The following ADCY2 variants were observed in gnomAD, a reference collection of about 807,000 sequenced individuals.
The protein encoded by ADCY2 is adenylate cyclase 2.
Under a neutral mutation model 125.2 loss-of-function variants are expected in ADCY2, and 31 were observed. That is an observed-to-expected ratio of 0.25 (90% CI 0.19 to 0.33). The LOEUF (loss-of-function observed/expected upper bound fraction) is 0.33. ADCY2 is among the 10% of genes least tolerant of loss of function. The pLI is 1.00. For missense variants in ADCY2, 904 were observed against 1,418.2 expected, an observed-to-expected ratio of 0.64 and a Z score of 5.82; for synonymous variants, 512 against 548.4, an observed-to-expected ratio of 0.93 and a Z score of 0.93.
chr5:7,606,721 A>C (rs1266528157), intron 3 of ADCY2, among the ~76,000 whole-genome samples: 2 of 152,166 alleles, frequency 1.3e-5, no homozygotes, highest in African/African-American at 4.8e-5. Context: ...ACTAGTTCTC[A>C]CTTGATGCTT....
At chr5:7,675,890 T>C (rs1337620264) in intron 4 of ADCY2, among the ~76,000 whole-genome samples, 5 of 152,218 alleles carry the variant, frequency 3.3e-5, no homozygotes, top group Non-Finnish European at 5.9e-5. Flanking sequence ...GTTGGTATTA[T>C]GTTGATGATA....
intron 2 of ADCY2, among the ~76,000 whole-genome samples, chr5:7,418,274 G>A (rs1329126987): frequency 2.0e-5 from 3 of 152,142 alleles, no homozygotes; most frequent in Admixed American, 6.5e-5. Flanking sequence ...GCCCTGGATC[G>A]TGAGTGTATA....
chr5:7,725,217 A>G (rs1741895664), intron 13 of ADCY2, among the ~76,000 whole-genome samples: 1 of 152,200 alleles, frequency 6.6e-6, no homozygotes, highest in Non-Finnish European at 1.5e-5. Flanking sequence ...CCATTCTTCT[A>G]GCTCAACTTT....
At position 7,816,998 on chromosome 5, in the gene ADCY2, G is replaced by A. The variant is rs747141971; in HGVS notation, c.2998+18G>A. On this transcript the variant is annotated intron_variant, in intron 23 of 24. Coordinates refer to ENST00000338316, the MANE Select transcript of ADCY2 (RefSeq NM_020546.3). Reference sequence around the variant, plus strand: ...GCGAGTGGGTACGTTCTGCAAAAGAGGTCTCGGTTTCAGTTGTGGCAAAGA... The same window carrying A: ...GCGAGTGGGTACGTTCTGCAAAAGAAGTCTCGGTTTCAGTTGTGGCAAAGA... The A allele has an allele frequency of 1.3e-6, 2 of 1,595,174 alleles. No homozygotes were observed. Among genetic ancestry groups the A allele is most frequent in the South Asian group, 2.2e-5 (2 of 90,598 alleles).
chr5:7,556,744 T>A (rs1735518278), intron 3 of ADCY2, among the ~76,000 whole-genome samples: 1 of 152,098 alleles, frequency 6.6e-6, no homozygotes. Flanking sequence ...AGCAGCAGCA[T>A]GAAATTCTCA....
rs1311220875 is a variant in ADCY2 at position 7,541,467 on chromosome 5, T to C, written c.570+20568T>C. On this transcript the variant is annotated intron_variant, in intron 3 of 24. Transcript: ENST00000338316. ...TGTCAGAGGTAGAGGGTGTCTGTCT[T>C]TGAGCAACATTCTTGATGAGATCAC... is the stretch of plus-strand genomic sequence containing the variant. 2.0e-5 allele frequency among the ~76,000 whole-genome samples: 3 copies of C among 152,168 alleles called. No homozygotes were observed. In the East Asian group the frequency reaches 5.8e-4, roughly 29 times the overall value.
intron 3 of ADCY2, among the ~76,000 whole-genome samples, chr5:7,598,028 A>C (rs1055973123): frequency 3.9e-5 from 6 of 152,182 alleles, no homozygotes; most frequent in Admixed American, 2.0e-4. Context: ...TAGATCAAAC[A>C]CTACATAGAA....
At chr5:7,456,923 T>C (rs1741694140) in intron 2 of ADCY2, among the ~76,000 whole-genome samples, 1 of 152,234 alleles carries the variant, frequency 6.6e-6, no homozygotes, top group South Asian at 2.1e-4. Context: ...CTCATTCCGC[T>C]TGTTTGTAGA....
chr5:7,458,297 T>C (rs1741782945), intron 2 of ADCY2, among the ~76,000 whole-genome samples: 1 of 152,236 alleles, frequency 6.6e-6, no homozygotes, highest in African/African-American at 2.4e-5. Context: ...TTTGAATAGT[T>C]CATGTTATAC....
chr5:7,532,037 A>C (rs1734666150), intron 3 of ADCY2, among the ~76,000 whole-genome samples: 1 of 152,224 alleles, frequency 6.6e-6, no homozygotes, highest in Admixed American at 6.5e-5. Context: ...AGTGTACAAC[A>C]TATGAAGATA....
intron 3 of ADCY2, among the ~76,000 whole-genome samples, chr5:7,568,846 A>AT (rs912723627): frequency 6.6e-6 from 1 of 151,998 alleles, no homozygotes; most frequent in African/African-American, 2.4e-5. Context: ...TGTGAAGTAC[A>AT]TTTTTTTTCC....
At chr5:7,571,465 C>T (rs1040263253) in intron 3 of ADCY2, among the ~76,000 whole-genome samples, 8 of 152,162 alleles carry the variant, frequency 5.3e-5, no homozygotes, top group Non-Finnish European at 8.8e-5. Context: ...ATGATACCCA[C>T]TCACATTGGT....
intron 4 of ADCY2, among the ~76,000 whole-genome samples, chr5:7,673,375 T>A (rs1579301731): frequency 7.0e-6 from 1 of 142,882 alleles, no homozygotes. Context: ...GAGGTGGAGG[T>A]TGCAGAAAGC....
At chr5:7,666,637 G>A (rs1345285455) in intron 4 of ADCY2, among the ~76,000 whole-genome samples, 1 of 152,200 alleles carries the variant, frequency 6.6e-6, no homozygotes, top group African/African-American at 2.4e-5. Flanking sequence ...AGATTGCACA[G>A]CTGTGTATAA....
At chr5:7,485,590 A>G (rs1429059730) in intron 2 of ADCY2, among the ~76,000 whole-genome samples, 1 of 152,154 alleles carries the variant, frequency 6.6e-6, no homozygotes, top group African/African-American at 2.4e-5. Context: ...TTTTTTTCTT[A>G]CATCTTAAAA....
chr5:7,554,967 A>G (rs1447478216), intron 3 of ADCY2, among the ~76,000 whole-genome samples: 1 of 151,890 alleles, frequency 6.6e-6, no homozygotes, highest in Non-Finnish European at 1.5e-5. Flanking sequence ...TATCCTTTCC[A>G]CCTCCCCACA....
chr5:7,694,049 C>G (rs987509802), intron 5 of ADCY2, among the ~76,000 whole-genome samples: 3 of 152,188 alleles, frequency 2.0e-5, no homozygotes, highest in African/African-American at 7.2e-5. Context: ...ATCATCTGAA[C>G]AGAGTGGAGG....
At chr5:7,538,766 T>C (rs1734897823) in intron 3 of ADCY2, among the ~76,000 whole-genome samples, 2 of 152,102 alleles carry the variant, frequency 1.3e-5, no homozygotes, top group African/African-American at 2.4e-5. Flanking sequence ...GAAACCATTA[T>C]GTAGCATGAA....
intron 3 of ADCY2, among the ~76,000 whole-genome samples, chr5:7,554,525 T>C (rs1378674383): frequency 6.6e-6 from 1 of 152,212 alleles, no homozygotes; most frequent in African/African-American, 2.4e-5. Context: ...TTCCATATTG[T>C]GGTTCTTTTA....
Sources: allele counts gnomAD v4.1 joint callset (sites outside exome capture counted in the v4.1 genomes callset), GRCh38; gene constraint gnomAD v4.1.1; transcripts MANE v1.5; gene names NCBI Gene and HGNC (gene_info 2026-07-23, HGNC 2026-07-21).